CASP6: variants seen among roughly 807,000 people sequenced by gnomAD.
CASP6 encodes the protein caspase 6, also known as caspase-6.
A neutral mutation model predicts 31.8 loss-of-function variants in CASP6; 20 were observed. The observed-to-expected ratio is 0.63, with a 90% CI of 0.44 to 0.91. CASP6 has a LOEUF of 0.91. CASP6 is among the 40% of genes least tolerant of loss of function. The pLI, the probability that CASP6 is intolerant of heterozygous loss-of-function variation, is 0.00. For synonymous variants in CASP6, 130 were observed against 127.8 expected, an observed-to-expected ratio of 1.02 and a Z score of -0.12; for missense variants, 328 against 361.1, an observed-to-expected ratio of 0.91 and a Z score of 0.74.
chr4:109,689,652 G>T, intron 6 of CASP6, 84 bp from the exon 7 acceptor site: 1 of 1,267,080 alleles, frequency 7.9e-7, no homozygotes, highest in Non-Finnish European at 1.1e-6. Context: ...AGAAGTATAA[G>T]TTCTTAAAAA....
chr4:109,690,813 G>A, intron 6 of CASP6, 37 bp downstream of exon 6: 2 of 1,559,430 alleles, frequency 1.3e-6, no homozygotes, highest in South Asian at 2.5e-5. Context: ...CCTTAGCCAA[G>A]AGAGGCAATT....
chr4:109,695,108 G>C (rs1730197213), intron 4 of CASP6, among the ~76,000 whole-genome samples: 1 of 152,134 alleles, frequency 6.6e-6, no homozygotes, highest in African/African-American at 2.4e-5. Context: ...TGGGATTACA[G>C]GCATGAGCCA....
At chr4:109,707,844 G>A (rs1476020854), upstream of CASP6, among the ~76,000 whole-genome samples, 1 of 152,176 alleles carries the variant, frequency 6.6e-6, no homozygotes, top group African/African-American at 2.4e-5. Context: ...TGCCAACAAG[G>A]TGCCATGGGG....
Position 109,694,694 on chromosome 4 carries a change from G to A in CASP6, c.314C>T (p.Thr105Ile), listed in dbSNP as rs369758323. 4.2e-5 allele frequency: 67 copies of A among 1,588,974 alleles called. No homozygotes were observed. Among genetic ancestry groups the A allele is most frequent in the Non-Finnish European group, 5.6e-5 (65 of 1,168,972 alleles). The change falls in exon 5 of 7, where the codon ACT becomes ATT. Residue 105 changes from threonine to isoleucine, a missense_variant. Thr to Ile is a moderately conservative substitution (Grantham distance 89). Coordinates refer to ENST00000265164, the MANE Select transcript of CASP6 (RefSeq NM_001226.4). Reference sequence around the variant, plus strand: ...GCAATCGGCATCTGCGTGGCTAACAGTTGACACTATAAAGGACCCAAAAGA... The same window carrying A: ...GCAATCGGCATCTGCGTGGCTAACAATTGACACTATAAAGGACCCAAAAGA... ...ELLLKIHEVS[T>I]VSHADADCFV...
At chr4:109,707,950 C>T (rs1414084077), upstream of CASP6, among the ~76,000 whole-genome samples, 1 of 152,070 alleles carries the variant, frequency 6.6e-6, no homozygotes, top group African/African-American at 2.4e-5. Context: ...GAAACGGTGG[C>T]TTTATCTTTT....
At chr4:109,688,022 T>TTAAC (rs1201688121), downstream of CASP6, 2 of 154,906 alleles carry the variant, frequency 1.3e-5, no homozygotes, top group African/African-American at 4.8e-5. Context: ...CGTCTTGTCA[T>TTAAC]TAACTTCTTT....
chr4:109,667,095 G>T, the CASP6 span, among the ~76,000 whole-genome samples: 1 of 152,034 alleles, frequency 6.6e-6, no homozygotes, highest in East Asian at 1.9e-4. Flanking sequence ...GGTAATGCTG[G>T]CCTCATAGAA....
At chr4:109,691,051 T>C in intron 5 of CASP6, 42 bp from the exon 6 acceptor site, 2 of 1,577,502 alleles carry the variant, frequency 1.3e-6, no homozygotes, top group Non-Finnish European at 1.7e-6. Flanking sequence ...TGCCTACTGT[T>C]TCCTTCCCAG....
chr4:109,687,505 CCCAT>C, downstream of CASP6: 7 of 1,599,900 alleles, frequency 4.4e-6, no homozygotes, highest in Non-Finnish European at 6.0e-6. Context: ...TTTTCTTTTT[CCCAT>C]GACAGGCTAA....
At chr4:109,685,313 G>A (rs1161580634), downstream of CASP6, 4 of 1,594,414 alleles carry the variant, frequency 2.5e-6, no homozygotes, top group African/African-American at 4.0e-5. Context: ...AGAAATCAAA[G>A]CAACAGCACT....
At chr4:109,677,791 T>C in the CASP6 span, among the ~76,000 whole-genome samples, 1 of 145,730 alleles carries the variant, frequency 6.9e-6, no homozygotes, top group Non-Finnish European at 1.5e-5. Flanking sequence ...CTGTTCCTTA[T>C]AAGGAAACAA....
upstream of CASP6, among the ~76,000 whole-genome samples, chr4:109,703,938 A>T (rs1730520909): frequency 6.6e-6 from 1 of 151,894 alleles, no homozygotes; most frequent in Non-Finnish European, 1.5e-5. Context: ...ATATTTCAAA[A>T]TTTTTCATTG....
At chr4:109,682,320 G>T in the CASP6 span, among the ~76,000 whole-genome samples, 1 of 110,828 alleles carries the variant, frequency 9.0e-6, no homozygotes, top group Non-Finnish European at 1.8e-5. Context: ...CATTTTTTTG[G>T]TGACTTTTTT....
chr4:109,703,239 C>A (rs1221279339), intron 1 of CASP6, 117 bp downstream of exon 1: 2 of 1,225,804 alleles, frequency 1.6e-6, no homozygotes, highest in East Asian at 2.6e-5. Context: ...CCCTGCAAAG[C>A]CGAAGGAACC....
chr4:109,666,623 A>T, the CASP6 span, among the ~76,000 whole-genome samples: 1 of 152,058 alleles, frequency 6.6e-6, no homozygotes, highest in Non-Finnish European at 1.5e-5. Flanking sequence ...ATCTTTGCCC[A>T]TTTTGTGATC....
At chr4:109,692,296 G>C (rs974816512) in intron 5 of CASP6, 7 of 152,066 alleles carry the variant, frequency 4.6e-5, no homozygotes, top group African/African-American at 1.4e-4. Context: ...GAGTAAGAGC[G>C]AGCCTTTACT....
intron 4 of CASP6, among the ~76,000 whole-genome samples, chr4:109,695,726 G>C (rs1730217628): frequency 7.0e-6 from 1 of 142,130 alleles, no homozygotes; most frequent in Non-Finnish European, 1.5e-5. Context: ...GGGGCGGACA[G>C]CGAGACTCCA....
chr4:109,667,801 C>T, the CASP6 span, among the ~76,000 whole-genome samples: 47,748 of 150,566 alleles, frequency 0.32, 7,798 homozygotes, highest in East Asian at 0.51. Context: ...TATAGATTCC[C>T]CTCTGAGCAT....
rs369228144 is a variant in CASP6, at chr4:109,693,458, C to T, written c.483+1067G>A. 9.2e-5 allele frequency among the ~76,000 whole-genome samples: 14 copies of T among 152,084 alleles called. No individual in the cohort carries two copies. The East Asian group carries it at 1.4e-3, about 15-fold the overall frequency. Reference sequence around the variant, plus strand: ...ATCCCAACACTCTGGGAGGCCAAGGCGGGCAGATCACCTGAGGTCAGGAGT... The same window carrying T: ...ATCCCAACACTCTGGGAGGCCAAGGTGGGCAGATCACCTGAGGTCAGGAGT... On this transcript the variant is annotated intron_variant, in intron 5 of 6. Coordinates refer to ENST00000265164, the MANE Select transcript of CASP6 (RefSeq NM_001226.4).
Sources: gnomAD v4.1 joint callset for allele counts (sites outside exome capture counted in the v4.1 genomes callset) on GRCh38, gnomAD v4.1.1 for gene constraint, MANE v1.5 for transcripts, NCBI Gene and HGNC (gene_info 2026-07-23, HGNC 2026-07-21) for gene names.